The following NLRP5 variants were observed in gnomAD, a reference collection of about 807,000 sequenced individuals.
NLRP5 encodes the protein NLR family pyrin domain containing 5.
NLRP5 carries 93 observed loss-of-function variants against 113.1 expected under a neutral mutation model. That is an observed-to-expected ratio of 0.82 (90% CI 0.70 to 0.98). The LOEUF (loss-of-function observed/expected upper bound fraction) is 0.98. NLRP5 is among the 50% of genes least tolerant of loss of function. The pLI is 0.00. For synonymous variants in NLRP5, 751 were observed against 600.7 expected, an observed-to-expected ratio of 1.25 and a Z score of -3.66; for missense variants, 1,808 against 1,514.3, an observed-to-expected ratio of 1.19 and a Z score of -3.22.
At chr19:56,055,904 C>A (rs1285867142) in intron 13 of NLRP5, among the ~76,000 whole-genome samples, 1 of 152,106 alleles carries the variant, frequency 6.6e-6, no homozygotes, top group Non-Finnish European at 1.5e-5. Flanking sequence ...GGTGTGTCCA[C>A]CTACAAACAC....
At chr19:56,033,478 A>G (rs1034563793) in intron 8 of NLRP5, 64 bp from the exon 9 acceptor site, 9 of 1,267,756 alleles carry the variant, frequency 7.1e-6, no homozygotes, top group Non-Finnish European at 1.0e-5. Context: ...AAGGATGGGA[A>G]GGAAAAATGA....
chr19:56,013,596 G>GGTTTTCTTTTTTTTT (rs1555765383), intron 3 of NLRP5, among the ~76,000 whole-genome samples: 1 of 59,282 alleles, frequency 1.7e-5, no homozygotes, highest in Non-Finnish European at 2.9e-5. Flanking sequence ...GGACATTTGG[G>GGTTTTCTTTTTTTTT]TTTTTTTTTT....
chr19:56,046,144 C>T (rs1414138301), intron 11 of NLRP5, among the ~76,000 whole-genome samples: 1 of 152,156 alleles, frequency 6.6e-6, no homozygotes, highest in Non-Finnish European at 1.5e-5. Flanking sequence ...GCCAACTTTG[C>T]TGAGAGTTTT....
chr19:55,990,072 CTT>C, the NLRP5 span, among the ~76,000 whole-genome samples: 8 of 76,482 alleles, frequency 1.0e-4, no homozygotes, highest in Non-Finnish European at 2.0e-4. Flanking sequence ...TCTTTTTTTT[CTT>C]TTTTCTTTTT....
At chr19:55,990,431 C>T in the NLRP5 span, among the ~76,000 whole-genome samples, 1 of 152,012 alleles carries the variant, frequency 6.6e-6, no homozygotes, top group Non-Finnish European at 1.5e-5. Context: ...TGGCTCATGC[C>T]TATAATCCCA....
upstream of NLRP5, among the ~76,000 whole-genome samples, chr19:55,998,672 G>GTA (rs368326842): frequency 1.1e-3 from 120 of 105,960 alleles, 4 homozygotes; most frequent in Middle Eastern, 0.038. Context: ...GTGTGTGTGT[G>GTA]TATATATATA....
upstream of NLRP5, among the ~76,000 whole-genome samples, chr19:55,998,706 G>GTATATATATATATATA (rs1388437988): frequency 9.6e-5 from 3 of 31,314 alleles, no homozygotes; most frequent in African/African-American, 2.6e-4. Context: ...ATATATATGT[G>GTATATATATATATATA]TGTGTGTGTA....
chr19:56,027,946 C>T lies in NLRP5; in HGVS notation c.1713C>T (p.Leu571=), dbSNP rs1191398276. The change falls in exon 7 of 15, where the codon CTC becomes CTT. Residue 571 remains leucine (L), a synonymous_variant. Transcript: ENST00000390649. ...CTCTGTTTCACATGAACATCCTTCT[C>T]CCAGACAGCCACTGTGAGGAGTACT... 6.2e-7 allele frequency: 1 copy of T among 1,613,768 alleles called. No homozygotes were observed. Among genetic ancestry groups the T allele is most frequent in the African/African-American group, 1.3e-5 (1 of 74,918 alleles).
At chr19:55,999,842 A>G (rs578208968) in intron 1 of NLRP5, 32 of 1,341,216 alleles carry the variant, frequency 2.4e-5, no homozygotes, top group Admixed American at 1.7e-4. Flanking sequence ...CCTTGGTACC[A>G]TGACACACGG....
chr19:55,996,718 C>T (rs1981336875), upstream of NLRP5, among the ~76,000 whole-genome samples: 1 of 152,178 alleles, frequency 6.6e-6, no homozygotes, highest in Non-Finnish European at 1.5e-5. Flanking sequence ...ACCACATTTT[C>T]TTAATCCAGT....
At chr19:56,053,512 G>A (rs1329999820) in intron 12 of NLRP5, 126 bp from the exon 13 acceptor site, 2 of 764,804 alleles carry the variant, frequency 2.6e-6, no homozygotes, top group Non-Finnish European at 4.2e-6. Flanking sequence ...CTGTTCACAG[G>A]AGTGGACAAA....
At chr19:56,004,238 C>T (rs550894251) in intron 2 of NLRP5, 143 bp downstream of exon 2, 16 of 888,748 alleles carry the variant, frequency 1.8e-5, no homozygotes, top group African/African-American at 1.0e-4. Flanking sequence ...TATTGGTCAT[C>T]GTCATTGGTT....
intron 11 of NLRP5, among the ~76,000 whole-genome samples, chr19:56,047,157 A>G (rs1983758626): frequency 6.6e-6 from 1 of 152,114 alleles, no homozygotes; most frequent in Non-Finnish European, 1.5e-5. Flanking sequence ...AATCTTGCCA[A>G]TAGTCTATCA....
the NLRP5 span, among the ~76,000 whole-genome samples, chr19:55,990,185 T>C: frequency 2.1e-5 from 3 of 143,584 alleles, no homozygotes; most frequent in South Asian, 6.8e-4. Flanking sequence ...GCCTCCCGGG[T>C]TCAAGCGATT....
chr19:56,051,295 C>T (rs1271740927), intron 12 of NLRP5, among the ~76,000 whole-genome samples: 2 of 152,132 alleles, frequency 1.3e-5, no homozygotes, highest in South Asian at 2.1e-4. Context: ...CAGGTTTGAG[C>T]GATTTTTCTG....
the NLRP5 span, chr19:55,987,939 CTTGA>C: frequency 3.9e-6 from 6 of 1,535,806 alleles, no homozygotes; most frequent in South Asian, 4.5e-5. Context: ...TTCTCTGGGG[CTTGA>C]TTGATCAGTT....
chr19:56,031,612 T>C (rs960611660), intron 7 of NLRP5, among the ~76,000 whole-genome samples: 3 of 127,474 alleles, frequency 2.4e-5, no homozygotes, highest in South Asian at 2.5e-4. Context: ...GCCTGGGAGA[T>C]AGAGACTCCG....
intron 9 of NLRP5, among the ~76,000 whole-genome samples, chr19:56,034,341 G>A (rs7260134): frequency 0.057 from 8,739 of 152,242 alleles, 880 homozygotes; most frequent in African/African-American, 0.2. Flanking sequence ...AGCTGAGACC[G>A]TGCCACTGCA....
chr19:56,053,944 G>A, intron 13 of NLRP5, 136 bp downstream of exon 13: 2 of 732,738 alleles, frequency 2.7e-6, no homozygotes, highest in East Asian at 2.6e-5. Context: ...AACCTTCGCA[G>A]CACCACAGAT....
Sources: gnomAD v4.1 joint callset for allele counts (sites outside exome capture counted in the v4.1 genomes callset) on GRCh38, gnomAD v4.1.1 for gene constraint, MANE v1.5 for transcripts, NCBI Gene and HGNC (gene_info 2026-07-23, HGNC 2026-07-21) for gene names.